Variants in GAS7 observed in about 807,000 individuals in gnomAD.
GAS7 encodes growth arrest-specific protein 7.
Under a neutral mutation model 71.1 loss-of-function variants are expected in GAS7, and 28 were observed. The ratio of observed to expected loss-of-function variants is 0.39; its 90% CI spans 0.29 to 0.54. GAS7 has a LOEUF of 0.54. GAS7 is among the 20% of genes least tolerant of loss of function. The pLI is 0.62. For missense variants in GAS7, 436 were observed against 627.8 expected (o/e 0.69, Z 3.27); for synonymous variants, 258 against 245.8 (o/e 1.05, Z -0.46).
At chr17:9,984,706 G>A (rs895605657) in intron 2 of GAS7, among the ~76,000 whole-genome samples, 4 of 152,206 alleles carry the variant, frequency 2.6e-5, no homozygotes, top group African/African-American at 9.7e-5. Flanking sequence ...GGATGAAAAT[G>A]GTACCTAAGT....
intron 1 of GAS7, among the ~76,000 whole-genome samples, chr17:10,057,399 C>T (rs957546015): frequency 6.6e-6 from 1 of 151,750 alleles, no homozygotes; most frequent in Non-Finnish European, 1.5e-5. Context: ...AGCGCCTCTG[C>T]CCTGCCGCCC....
chr17:10,032,868 C>A (rs1221975568), intron 1 of GAS7, among the ~76,000 whole-genome samples: 2 of 152,144 alleles, frequency 1.3e-5, no homozygotes, highest in East Asian at 3.9e-4. Context: ...AAAGGCTTGT[C>A]TGAGACACCA....
chr17:10,078,934 G>T (rs1400777110), intron 1 of GAS7, among the ~76,000 whole-genome samples: 4 of 152,146 alleles, frequency 2.6e-5, no homozygotes, highest in Admixed American at 6.6e-5. Context: ...CATTCCTGTA[G>T]TCCCAGCTAC....
At chr17:9,978,409 T>G (rs572583845) in intron 3 of GAS7, among the ~76,000 whole-genome samples, 1 of 149,980 alleles carries the variant, frequency 6.7e-6, no homozygotes, top group East Asian at 1.9e-4. Flanking sequence ...TGTCTGTAAT[T>G]TGGGTAATTT....
chr17:10,130,016 A>C (rs1407912572), intron 1 of GAS7, among the ~76,000 whole-genome samples: 1 of 152,042 alleles, frequency 6.6e-6, no homozygotes, highest in African/African-American at 2.4e-5. Context: ...TACTAAAAAT[A>C]CAATTAGCCA....
chr17:10,155,850 A>G (rs2074201151), intron 1 of GAS7, among the ~76,000 whole-genome samples: 4 of 152,240 alleles, frequency 2.6e-5, no homozygotes, highest in Non-Finnish European at 5.9e-5. Context: ...GAGAAATCTG[A>G]GATACAGAAA....
At chr17:10,073,461 C>T (rs1567580567) in intron 1 of GAS7, among the ~76,000 whole-genome samples, 1 of 151,394 alleles carries the variant, frequency 6.6e-6, no homozygotes, top group Non-Finnish European at 1.5e-5. Flanking sequence ...TCCTCAAGCA[C>T]CTGGGGAGAG....
rs141685827 is a variant in GAS7 at position 10,031,638 on chromosome 17, A to G, written c.184-11741T>C. 3.9e-5 allele frequency among the ~76,000 whole-genome samples: 6 copies of G among 152,320 alleles called. No homozygotes were observed. In the East Asian group the frequency reaches 1.2e-3, roughly 29 times the overall value. On this transcript the variant is annotated intron_variant, in intron 1 of 13. Coordinates refer to ENST00000432992, the MANE Select transcript of GAS7 (RefSeq NM_201433.2). Reference sequence around the variant, plus strand: ...CTTCCTCCTCTGACTCTGGAGAATGAGATTTTTATGGTCGTTGCACCTGCT... The same window carrying G: ...CTTCCTCCTCTGACTCTGGAGAATGGGATTTTTATGGTCGTTGCACCTGCT...
Position 9,916,423 on chromosome 17 carries a change from G to A in GAS7, c.*805C>T, listed in dbSNP as rs553959559. On this transcript the variant is annotated 3_prime_UTR_variant, in exon 14 of 14. Coordinates refer to ENST00000432992, the MANE Select transcript of GAS7 (RefSeq NM_201433.2). ...TCTTGATAACTGAGAACTTTGGAAAGCTTCCTCTAATGAGACTGGGAAGGG... is the reference window on the plus strand; with the variant it reads ...TCTTGATAACTGAGAACTTTGGAAAACTTCCTCTAATGAGACTGGGAAGGG... The A allele has an allele frequency of 1.7e-3, 391 of 233,534 alleles. 3 individuals are homozygous for A. The highest frequency in any genetic ancestry group is 7.4e-3 in the Admixed American group (132 of 17,794). 14.5% of individuals were successfully genotyped at this position (233,534 alleles called of 1,614,324 possible).
intron 1 of GAS7, among the ~76,000 whole-genome samples, chr17:10,183,844 GAA>G (rs796270979): frequency 1.4e-5 from 2 of 142,664 alleles, no homozygotes; most frequent in African/African-American, 2.6e-5. Context: ...TCCGTCTCAG[GAA>G]AAAAAAAAAA....
At chr17:10,074,604 A>G (rs1407444582) in intron 1 of GAS7, among the ~76,000 whole-genome samples, 5 of 152,232 alleles carry the variant, frequency 3.3e-5, no homozygotes, top group Non-Finnish European at 5.9e-5. Flanking sequence ...GAGGAAATAG[A>G]AAACCTGAAT....
chr17:10,082,995 G>A (rs1011595408), intron 1 of GAS7, among the ~76,000 whole-genome samples: 11 of 152,184 alleles, frequency 7.2e-5, no homozygotes, highest in Non-Finnish European at 1.5e-4. Flanking sequence ...GGGTACAGAG[G>A]AGAGAAACTG....
At chr17:10,185,842 G>A (rs951769145) in intron 1 of GAS7, among the ~76,000 whole-genome samples, 3 of 152,136 alleles carry the variant, frequency 2.0e-5, no homozygotes, top group Non-Finnish European at 4.4e-5. Flanking sequence ...AGTCACAGAA[G>A]TGTCTGGTGC....
chr17:10,020,786 G>A (rs1204391322), intron 1 of GAS7, among the ~76,000 whole-genome samples: 4 of 152,062 alleles, frequency 2.6e-5, no homozygotes, highest in Non-Finnish European at 5.9e-5. Context: ...GGTGGTGTGC[G>A]CCTGTAGTCC....
intron 1 of GAS7, among the ~76,000 whole-genome samples, chr17:10,124,873 G>A (rs527960834): frequency 9.9e-5 from 15 of 152,106 alleles, no homozygotes; most frequent in South Asian, 8.3e-4. Context: ...AGCCGAGTTC[G>A]CGCTACTGCA....
intron 1 of GAS7, among the ~76,000 whole-genome samples, chr17:10,112,268 G>C (rs1327806392): frequency 6.6e-6 from 1 of 152,150 alleles, no homozygotes; most frequent in Non-Finnish European, 1.5e-5. Flanking sequence ...GCTTTCCAGG[G>C]GTGTTTGCCC....
At chr17:10,111,419 G>C (rs2073811335) in intron 1 of GAS7, among the ~76,000 whole-genome samples, 1 of 152,136 alleles carries the variant, frequency 6.6e-6, no homozygotes, top group African/African-American at 2.4e-5. Context: ...TGTAGTCTCA[G>C]CTACTTGGGA....
chr17:9,988,504 T>C (rs899266887), intron 2 of GAS7, among the ~76,000 whole-genome samples: 1 of 152,176 alleles, frequency 6.6e-6, no homozygotes, highest in Non-Finnish European at 1.5e-5. Context: ...GCACCAGAGT[T>C]TCCTCCATCT....
At chr17:10,091,945 G>A (rs938284833) in intron 1 of GAS7, among the ~76,000 whole-genome samples, 1 of 147,706 alleles carries the variant, frequency 6.8e-6, no homozygotes, top group Non-Finnish European at 1.5e-5. Context: ...AACTTTTTGT[G>A]TCATAAAATT....
Sources: gnomAD v4.1 joint callset for allele counts (sites outside exome capture counted in the v4.1 genomes callset) on GRCh38, gnomAD v4.1.1 for gene constraint, MANE v1.5 for transcripts, NCBI Gene and HGNC (gene_info 2026-07-23, HGNC 2026-07-21) for gene names.